RAPGEF2: variants seen among roughly 807,000 people sequenced by gnomAD.
The protein encoded by RAPGEF2 is PDZ domain containing guanine nucleotide exchange factor (GEF) 1.
A neutral mutation model predicts 186.7 loss-of-function variants in RAPGEF2; 54 were observed. The observed-to-expected ratio is 0.29, with a 90% CI of 0.23 to 0.36. The LOEUF (loss-of-function observed/expected upper bound fraction) is 0.36, where lower values mean the gene tolerates loss of function less well. RAPGEF2 is among the 10% of genes least tolerant of loss of function. The pLI is 1.00. For synonymous variants in RAPGEF2, 712 were observed against 705.9 expected (o/e 1.01, Z -0.14); for missense variants, 1,532 against 2,045.0 (o/e 0.75, Z 4.84).
intron 7 of RAPGEF2, among the ~76,000 whole-genome samples, chr4:159,283,790 TA>T (rs1207029322): frequency 1.3e-5 from 2 of 152,206 alleles, no homozygotes; most frequent in Non-Finnish European, 2.9e-5. Context: ...TTCTTGTTCT[TA>T]AAAATTAGTG....
intron 9 of RAPGEF2, among the ~76,000 whole-genome samples, chr4:159,319,807 A>G (rs1480466806): frequency 2.0e-5 from 3 of 152,004 alleles, no homozygotes; most frequent in Admixed American, 6.5e-5. Context: ...ATATATCACA[A>G]ATTAAACTCA....
At chr4:159,334,352 A>G (rs1767109223) in intron 17 of RAPGEF2, among the ~76,000 whole-genome samples, 1 of 152,160 alleles carries the variant, frequency 6.6e-6, no homozygotes, top group South Asian at 2.1e-4. Context: ...GAGCTCAAGC[A>G]ATTCTCATTC....
Position 159,297,589 on chromosome 4 carries a change from C to A in RAPGEF2, c.544-6753C>A, listed in dbSNP as rs186077251. On this transcript the variant is annotated intron_variant, in intron 7 of 29. Coordinates refer to ENST00000691494, the MANE Select transcript of RAPGEF2 (RefSeq NM_001394067.2). The stretch of plus-strand genomic sequence containing the variant: ...ATTATGGTATTCTAAGCAGTGAGTT[C>A]CTCTCCATATAAATACATGATTTAT... Among the ~76,000 whole-genome samples, 198 of 152,194 alleles carry A rather than the reference C, an allele frequency of 1.3e-3. 2 individuals are homozygous for A. Among genetic ancestry groups the A allele is most frequent in the Non-Finnish European group, 1.9e-4 (13 of 68,012 alleles).
At chr4:159,108,271 C>T (rs1201182517) in intron 1 of RAPGEF2, among the ~76,000 whole-genome samples, 1 of 152,058 alleles carries the variant, frequency 6.6e-6, no homozygotes, top group Admixed American at 6.6e-5. Context: ...ATTAGCTTTG[C>T]ATATCTTGGC....
intron 1 of RAPGEF2, among the ~76,000 whole-genome samples, chr4:159,142,246 G>T (rs187329451): frequency 3.6e-4 from 55 of 152,048 alleles, no homozygotes; most frequent in African/African-American, 1.3e-3. Flanking sequence ...TTTTGTTGTC[G>T]TCAGAAGTTA....
At chr4:159,225,255 G>T (rs747079789) in intron 4 of RAPGEF2, among the ~76,000 whole-genome samples, 2 of 152,110 alleles carry the variant, frequency 1.3e-5, no homozygotes, top group Non-Finnish European at 2.9e-5. Flanking sequence ...TTGCTGTACC[G>T]CCCAACCCAG....
intron 25 of RAPGEF2, among the ~76,000 whole-genome samples, chr4:159,347,837 A>C (rs1403627561): frequency 6.6e-6 from 1 of 152,174 alleles, no homozygotes; most frequent in Non-Finnish European, 1.5e-5. Flanking sequence ...GAAGTGGTAC[A>C]ACACAATAAT....
In RAPGEF2 at chr4:159,353,056, CT is replaced by C; in HGVS notation, c.4091+147del. ...ATCCCAGTTCTGATTTTCACAATTT[CT>C]ACACTAAGTATCATGTTATTTTTGT... is the stretch of plus-strand genomic sequence containing the variant. On this transcript the variant is annotated intron_variant, in intron 27 of 29. Transcript: ENST00000691494. The surrounding 1 kb of genome is among the most constrained non-coding windows in gnomAD (Gnocchi z 4.3). 5.2e-6 allele frequency: 4 copies of C among 767,888 alleles called. 1 individual carries two copies. Among genetic ancestry groups the C allele is most frequent in the Middle Eastern group, 7.2e-4 (2 of 2,796 alleles). 47.6% of individuals were successfully genotyped at this position (767,888 alleles called of 1,614,324 possible). A position where few individuals can be genotyped will look rare whatever the true frequency, so the allele number is the denominator to read the frequency against.
chr4:159,351,857 A>C (rs1031259300), intron 26 of RAPGEF2, among the ~76,000 whole-genome samples: 1 of 152,120 alleles, frequency 6.6e-6, no homozygotes, highest in Non-Finnish European at 1.5e-5. Context: ...AGGCTGAGGC[A>C]GGAGAATCGC....
Position 159,243,798 on chromosome 4 carries a change from T to C in RAPGEF2, c.543+7T>C. ...GGAATGCACTAAATCTCAGGTATTG[T>C]AATTTGTGTGTGGTCTTCTGACACT... is the stretch of plus-strand genomic sequence containing the variant. On this transcript the variant is annotated splice_region_variant and intron_variant, in intron 7 of 29. Coordinates refer to ENST00000691494, the MANE Select transcript of RAPGEF2 (RefSeq NM_001394067.2). The C allele has an allele frequency of 7.8e-7, 1 of 1,279,774 alleles. No individual in the cohort carries two copies. The highest frequency in any genetic ancestry group is 1.0e-6 in the Non-Finnish European group (1 of 979,858). 79.3% of individuals were successfully genotyped at this position (1,279,774 alleles called of 1,614,324 possible). A position where few individuals can be genotyped will look rare whatever the true frequency, so the allele number is the denominator to read the frequency against.
chr4:159,337,662 G>A (rs1036517760), intron 17 of RAPGEF2, among the ~76,000 whole-genome samples: 1 of 151,812 alleles, frequency 6.6e-6, no homozygotes, highest in African/African-American at 2.4e-5. Context: ...GGCCAAGACA[G>A]GCGGATCACA....
rs192665069 is a variant in RAPGEF2 at position 159,226,345 on chromosome 4, G to A, written c.282-12464G>A. Among the ~76,000 whole-genome samples, 9 of 152,234 alleles carry A rather than the reference G, an allele frequency of 5.9e-5. No homozygotes were observed. In the East Asian group the frequency reaches 1.7e-3, roughly 29 times the overall value. On this transcript the variant is annotated intron_variant, in intron 4 of 29. Coordinates refer to ENST00000691494, the MANE Select transcript of RAPGEF2 (RefSeq NM_001394067.2). The stretch of plus-strand genomic sequence containing the variant: ...TAGATCTGTCTCTGGAATCTGTCTT[G>A]TGTTCCTTTGCTTTACATGTCAGTT...
intron 7 of RAPGEF2, among the ~76,000 whole-genome samples, chr4:159,259,961 C>T (rs990053340): frequency 6.6e-6 from 1 of 151,682 alleles, no homozygotes; most frequent in Non-Finnish European, 1.5e-5. Context: ...TTCTATTGTC[C>T]TATTATCACT....
intron 1 of RAPGEF2, among the ~76,000 whole-genome samples, chr4:159,177,457 A>G (rs1483600005): frequency 6.6e-6 from 1 of 152,182 alleles, no homozygotes; most frequent in Non-Finnish European, 1.5e-5. Context: ...TTGCATAGAT[A>G]TTATTCACCG....
At position 159,355,878 on chromosome 4, in the gene RAPGEF2, G is replaced by GCGCCCC; in HGVS notation, c.4678_4679insGCCCCC (p.Glu1559_Pro1560insArgPro). On this transcript the variant is annotated inframe_insertion, in exon 29 of 30. Transcript: ENST00000691494. ...CACGAAAGGAGGGCAGGTATCGAGA[G>GCGCCCC]CCCCCGCCCACCCCTCCCGGCTACA... The GCGCCCC allele has an allele frequency of 2.6e-6, 4 of 1,515,850 alleles. No homozygotes were observed. The highest frequency in any genetic ancestry group is 3.6e-6 in the Non-Finnish European group (4 of 1,117,984). The allele number at this position is 1,515,850 out of a possible 1,614,324, so 93.9% of individuals were successfully genotyped here. A position where few individuals can be genotyped will look rare whatever the true frequency, so the allele number is the denominator to read the frequency against.
At chr4:159,129,648 C>T (rs1740786301) in intron 1 of RAPGEF2, among the ~76,000 whole-genome samples, 1 of 152,338 alleles carries the variant, frequency 6.6e-6, no homozygotes, top group Non-Finnish European at 1.5e-5. Context: ...ATCCACTCTA[C>T]TCCCCCTATA....
intron 28 of RAPGEF2, among the ~76,000 whole-genome samples, chr4:159,354,269 A>G (rs746217782): frequency 4.6e-5 from 7 of 152,364 alleles, no homozygotes; most frequent in Non-Finnish European, 7.3e-5. Flanking sequence ...ATAACAAAAC[A>G]TTCAATAAAT....
rs1194697076 is a variant in RAPGEF2 at position 159,206,326 on chromosome 4, G to A, written c.198-4174G>A. Among the ~76,000 whole-genome samples the A allele has an allele frequency of 7.2e-5, 11 of 152,272 alleles. No homozygotes were observed. In the East Asian group the frequency reaches 1.4e-3, roughly 19 times the overall value. ...TCTATTGAAAATGAAAAGCAGAATC[G>A]TTGTGGTGCTGGAAGTTGAGTGTGT... On this transcript the variant is annotated intron_variant, in intron 3 of 29. Transcript: ENST00000691494.
chr4:159,179,590 G>T (rs1260576056), intron 1 of RAPGEF2, among the ~76,000 whole-genome samples: 1 of 152,164 alleles, frequency 6.6e-6, no homozygotes, highest in Non-Finnish European at 1.5e-5. Flanking sequence ...TTACTCACTT[G>T]CCTTTCTGTT....
Sources: gnomAD v4.1 joint callset for allele counts (sites outside exome capture counted in the v4.1 genomes callset) on GRCh38, gnomAD v4.1.1 for gene constraint, Gnocchi (gnomAD v3.1) non-coding constraint, MANE v1.5 for transcripts, NCBI Gene and HGNC (gene_info 2026-07-23, HGNC 2026-07-21) for gene names.